The following PRDM16 variants were observed in gnomAD, a reference collection of about 807,000 sequenced individuals.
PRDM16 encodes the protein PR/SET domain 16.
PRDM16 carries 23 observed loss-of-function variants against 110.6 expected under a neutral mutation model. That is an observed-to-expected ratio of 0.21 (90% CI 0.15 to 0.29). The LOEUF is 0.29. Among genes scored for constraint, PRDM16 ranks in the 10% least tolerant of loss-of-function variants. The pLI, the probability that PRDM16 is intolerant of heterozygous loss-of-function variation, is 1.00. For missense variants in PRDM16, 1,615 were observed against 1,794.3 expected (o/e 0.90, Z 1.81); for synonymous variants, 799 against 781.8 (o/e 1.02, Z -0.37).
In PRDM16 at chr1:3,436,032, G is replaced by C. The variant is rs535962299; in HGVS notation, c.*2221G>C. Reference sequence around the variant, plus strand: ...AACACAACTGCTCAGGCCTTCTCACGCGTTTCCACAACATCCCCTGGGTCA... The same window carrying C: ...AACACAACTGCTCAGGCCTTCTCACCCGTTTCCACAACATCCCCTGGGTCA... On this transcript the variant is annotated 3_prime_UTR_variant, in exon 17 of 17. Transcript: ENST00000270722. The C allele has an allele frequency of 4.3e-6, 1 of 230,396 alleles. No homozygotes were observed. Among genetic ancestry groups the C allele is most frequent in the Non-Finnish European group, 8.6e-6 (1 of 116,386 alleles). 14.3% of individuals were successfully genotyped at this position (230,396 alleles called of 1,614,324 possible).
chr1:3,100,262 T>G (rs1217843625), intron 1 of PRDM16, among the ~76,000 whole-genome samples: 1 of 152,168 alleles, frequency 6.6e-6, no homozygotes, highest in Non-Finnish European at 1.5e-5. Flanking sequence ...GGTAGATGGA[T>G]GCCTGTAGCA....
intron 3 of PRDM16, among the ~76,000 whole-genome samples, chr1:3,292,460 C>T (rs944952331): frequency 3.3e-5 from 5 of 152,228 alleles, no homozygotes; most frequent in Admixed American, 1.3e-4. Flanking sequence ...CTTGAGCCGT[C>T]GCTCTCCGCC....
chr1:3,122,297 C>T (rs1305355610), intron 1 of PRDM16, among the ~76,000 whole-genome samples: 1 of 152,192 alleles, frequency 6.6e-6, no homozygotes, highest in Non-Finnish European at 1.5e-5. Flanking sequence ...CAGATCCCCT[C>T]CTCTGTCCGG....
chr1:3,352,844 C>G (rs1342426325), intron 3 of PRDM16, among the ~76,000 whole-genome samples: 5 of 152,186 alleles, frequency 3.3e-5, no homozygotes, highest in Non-Finnish European at 5.9e-5. Flanking sequence ...GGCCTCTGCC[C>G]GGTGTCAGGA....
In PRDM16 at chr1:3,340,736, C is replaced by T. The variant is rs556228193; in HGVS notation, c.439-44416C>T. Among the ~76,000 whole-genome samples the T allele has an allele frequency of 2.0e-5, 3 of 152,282 alleles. No individual in the cohort carries two copies. The East Asian group carries it at 5.8e-4, about 29-fold the overall frequency. ...ACTAAATGTTTCCACTCACTGGGGA[C>T]GTGTTTTGTAAAGGCCATCTAGATG... On this transcript the variant is annotated intron_variant, in intron 3 of 16. Transcript: ENST00000270722.
chr1:3,220,172 G>A (rs1467863392), intron 2 of PRDM16, among the ~76,000 whole-genome samples: 3 of 152,122 alleles, frequency 2.0e-5, no homozygotes, highest in South Asian at 4.1e-4. Context: ...TGTCCTCGCC[G>A]TGCCCACGCC....
At chr1:3,362,268 T>C (rs943038500) in intron 3 of PRDM16, among the ~76,000 whole-genome samples, 4 of 152,236 alleles carry the variant, frequency 2.6e-5, no homozygotes, top group African/African-American at 9.7e-5. Context: ...TCAAACATGA[T>C]GGAAAGTTCT....
chr1:3,133,237 C>T (rs1358868153), intron 1 of PRDM16: 1 of 152,274 alleles, frequency 6.6e-6, no homozygotes, highest in East Asian at 1.9e-4. Flanking sequence ...GAGGTCTCTG[C>T]CCATGTCTCT....
chr1:3,070,029 C>T (rs1641709365), intron 1 of PRDM16, among the ~76,000 whole-genome samples: 1 of 151,878 alleles, frequency 6.6e-6, no homozygotes, highest in East Asian at 2.0e-4. Flanking sequence ...CTCTGGGACG[C>T]CGGCAGCCTG....
intron 2 of PRDM16, among the ~76,000 whole-genome samples, chr1:3,214,578 T>C (rs1557534148): frequency 6.6e-6 from 1 of 152,190 alleles, no homozygotes; most frequent in South Asian, 2.1e-4. Context: ...ACACCTGTAA[T>C]CCCAACTACT....
intron 3 of PRDM16, among the ~76,000 whole-genome samples, chr1:3,378,669 C>T (rs1055320000): frequency 2.6e-5 from 4 of 152,076 alleles, no homozygotes; most frequent in Non-Finnish European, 5.9e-5. Context: ...TGCACAGAGA[C>T]CCTGGGGAGG....
At chr1:3,344,160 G>A (rs1642320911) in intron 3 of PRDM16, among the ~76,000 whole-genome samples, 1 of 152,086 alleles carries the variant, frequency 6.6e-6, no homozygotes, top group Admixed American at 6.5e-5. Context: ...AACATAACAA[G>A]ACTCCCTCTC....
rs560019566 is a variant in PRDM16, at chr1:3,105,823, G to A, written c.37+36527G>A. Among the ~76,000 whole-genome samples the A allele has an allele frequency of 7.2e-5, 11 of 152,336 alleles. No homozygotes were observed. The East Asian group carries it at 2.1e-3, about 29-fold the overall frequency. On this transcript the variant is annotated intron_variant, in intron 1 of 16. Coordinates refer to ENST00000270722, the MANE Select transcript of PRDM16 (RefSeq NM_022114.4). ...GTGTGCAGCCCCTTCCCCCTGCGGC[G>A]CCCCAGACAGGACAGGAAACAGGCG... is the stretch of plus-strand genomic sequence containing the variant.
In PRDM16 at chr1:3,409,847, G is replaced by GTATGTGCGTGTGTGTGGTGTGGGT. The variant is rs1553175985; in HGVS notation, c.1187-1537_1187-1536insTATGTGCGTGTGTGTGGTGTGGGT. ...TGGTTGTGTGTGGGTGTGTGGTGTG[G>GTATGTGCGTGTGTGTGGTGTGGGT]GTGTGTGTGTGGTGTTTGTGTGCAT... On this transcript the variant is annotated intron_variant, in intron 8 of 16. Transcript: ENST00000270722. Among the ~76,000 whole-genome samples, 33 of 51,918 alleles carry GTATGTGCGTGTGTGTGGTGTGGGT rather than the reference G, an allele frequency of 6.4e-4. 1 individual carries two copies. Among genetic ancestry groups the GTATGTGCGTGTGTGTGGTGTGGGT allele is most frequent in the African/African-American group, 5.1e-3 (33 of 6,526 alleles). The allele number at this position is 51,918 out of a possible 152,430, so 34.1% of individuals were successfully genotyped here.
At chr1:3,097,136 G>A (rs148038935) in intron 1 of PRDM16, among the ~76,000 whole-genome samples, 99 of 152,260 alleles carry the variant, frequency 6.5e-4, no homozygotes, top group East Asian at 2.5e-3. Context: ...AGTTGCCCTC[G>A]TAGCCAAGGT....
At chr1:3,281,543 G>A (rs527249036) in intron 3 of PRDM16, among the ~76,000 whole-genome samples, 2 of 152,344 alleles carry the variant, frequency 1.3e-5, no homozygotes, top group African/African-American at 4.8e-5. Context: ...GCTATGATCG[G>A]TTTGATGTGC....
chr1:3,189,432 A>G (rs1352495781), intron 2 of PRDM16, among the ~76,000 whole-genome samples: 23 of 152,212 alleles, frequency 1.5e-4, no homozygotes, highest in Admixed American at 1.5e-3. Context: ...GGCCTGGGAC[A>G]GAGAAAAACA....
At chr1:3,266,851 T>C (rs1278576323) in intron 3 of PRDM16, among the ~76,000 whole-genome samples, 1 of 152,102 alleles carries the variant, frequency 6.6e-6, no homozygotes, top group Non-Finnish European at 1.5e-5. Flanking sequence ...AATATTTTTG[T>C]ATTTTTAGTA....
rs147249927 is a variant in PRDM16 at position 3,306,309 on chromosome 1, A to G, written c.438+62172A>G. Among the ~76,000 whole-genome samples the G allele has an allele frequency of 2.1e-3, 318 of 152,320 alleles. 3 individuals carry two copies. Among genetic ancestry groups the G allele is most frequent in the African/African-American group, 7.1e-3 (297 of 41,576 alleles). ...CATAATCAGTGATAATGACACCCAC[A>G]TTGCAGGTATTTCTCTTATTTAAGG... On this transcript the variant is annotated intron_variant, in intron 3 of 16. Coordinates refer to ENST00000270722, the MANE Select transcript of PRDM16 (RefSeq NM_022114.4).
Sources: allele counts gnomAD v4.1 joint callset (sites outside exome capture counted in the v4.1 genomes callset), GRCh38; gene constraint gnomAD v4.1.1; transcripts MANE v1.5; gene names NCBI Gene and HGNC (gene_info 2026-07-23, HGNC 2026-07-21).